Variants in GRXCR1 observed in about 807,000 individuals in gnomAD.
The protein encoded by GRXCR1 is glutaredoxin domain-containing cysteine-rich protein 1.
A neutral mutation model predicts 27.3 loss-of-function variants in GRXCR1; 27 were observed. The observed-to-expected ratio is 0.99, with a 90% CI of 0.73 to 1.37. GRXCR1 has a LOEUF of 1.37. Ranked by LOEUF, GRXCR1 falls within the 40% of genes most tolerant of loss-of-function variation. The probability of loss-of-function intolerance (pLI) is 0.00; values close to 1 mark genes in which losing one functional copy is unlikely to be tolerated. For missense variants in GRXCR1, 379 were observed against 354.4 expected, an observed-to-expected ratio of 1.07 and a Z score of -0.56; for synonymous variants, 122 against 131.1, an observed-to-expected ratio of 0.93 and a Z score of 0.47.
At chr4:43,012,412 A>G (rs1344136218) in intron 2 of GRXCR1, among the ~76,000 whole-genome samples, 1 of 152,156 alleles carries the variant, frequency 6.6e-6, no homozygotes, top group African/African-American at 2.4e-5. Flanking sequence ...TTTCTATTAC[A>G]TTCTTTTTTA....
intron 2 of GRXCR1, among the ~76,000 whole-genome samples, chr4:42,987,200 T>TAATATATATATTATATA (rs1242246094): frequency 1.3e-5 from 1 of 74,646 alleles, no homozygotes; most frequent in African/African-American, 6.6e-5. Context: ...TTCATAGTTT[T>TAATATATATATTATATA]CATATATATA....
intron 3 of GRXCR1, among the ~76,000 whole-genome samples, chr4:43,027,876 GA>G (rs1713305113): frequency 6.6e-6 from 1 of 152,134 alleles, no homozygotes; most frequent in African/African-American, 2.4e-5. Context: ...TTGGGAGGCC[GA>G]GGTGGGTGGA....
At chr4:42,951,631 C>A (rs76989220) in intron 1 of GRXCR1, among the ~76,000 whole-genome samples, 3 of 152,072 alleles carry the variant, frequency 2.0e-5, no homozygotes, top group Admixed American at 1.3e-4. Flanking sequence ...TTGGTATATA[C>A]TCAGTAATGG....
intron 2 of GRXCR1, among the ~76,000 whole-genome samples, chr4:43,006,718 C>T (rs1004839098): frequency 6.6e-5 from 10 of 152,190 alleles, no homozygotes; most frequent in Non-Finnish European, 1.2e-4. Context: ...CCTCCACTTG[C>T]CTTGTGATAT....
At chr4:42,967,769 T>C (rs546219332) in intron 2 of GRXCR1, among the ~76,000 whole-genome samples, 1 of 152,242 alleles carries the variant, frequency 6.6e-6, no homozygotes, top group East Asian at 1.9e-4. Flanking sequence ...GTTAAGTTTC[T>C]TAGAAAGAGT....
intron 2 of GRXCR1, among the ~76,000 whole-genome samples, chr4:43,000,103 C>G (rs1712302157): frequency 6.6e-6 from 1 of 152,154 alleles, no homozygotes; most frequent in African/African-American, 2.4e-5. Flanking sequence ...TTGCACTATC[C>G]TGCTTTGTCC....
chr4:42,910,557 A>G (rs17450034), intron 1 of GRXCR1, among the ~76,000 whole-genome samples: 31,398 of 152,066 alleles, frequency 0.21, 3,309 homozygotes, highest in South Asian at 0.31. Flanking sequence ...TAGAAAATAA[A>G]TGATTCAGGT....
intron 2 of GRXCR1, among the ~76,000 whole-genome samples, chr4:42,991,460 A>C (rs1490969707): frequency 1.4e-5 from 2 of 146,428 alleles, no homozygotes; most frequent in Non-Finnish European, 3.1e-5. Context: ...CTCTCTCTCT[A>C]CACACACACA....
In GRXCR1 at chr4:42,892,868, T is replaced by C. The variant is rs1321415189; in HGVS notation, c.-399T>C. Among the ~76,000 whole-genome samples, 3 of 152,132 alleles carry C rather than the reference T, an allele frequency of 2.0e-5. No homozygotes were observed. Among genetic ancestry groups the C allele is most frequent in the South Asian group, 2.1e-4 (1 of 4,824 alleles). On this transcript the variant is annotated 5_prime_UTR_variant, in exon 1 of 4. Transcript: ENST00000399770. ...AACCTCTGGTTTGGACAATGAATAGTAGAGACATGTCCACTGCTCAGGTCC... is the reference window on the plus strand; with the variant it reads ...AACCTCTGGTTTGGACAATGAATAGCAGAGACATGTCCACTGCTCAGGTCC...
At chr4:43,029,568 T>C (rs1050847559) in intron 3 of GRXCR1, among the ~76,000 whole-genome samples, 2 of 152,160 alleles carry the variant, frequency 1.3e-5, no homozygotes, top group Non-Finnish European at 2.9e-5. Context: ...CAGAAATGCA[T>C]GTAAATGATT....
intron 1 of GRXCR1, among the ~76,000 whole-genome samples, chr4:42,905,800 G>A (rs550436617): frequency 1.3e-4 from 20 of 152,244 alleles, no homozygotes; most frequent in African/African-American, 4.6e-4. Flanking sequence ...TCATGTGATC[G>A]TTCCTTGTCA....
chr4:43,014,406 C>T (rs950740102), intron 2 of GRXCR1, among the ~76,000 whole-genome samples: 4 of 152,100 alleles, frequency 2.6e-5, no homozygotes, highest in East Asian at 1.9e-4. Context: ...CAAACATTTA[C>T]GGAGCACATC....
intron 2 of GRXCR1, among the ~76,000 whole-genome samples, chr4:42,996,732 T>C (rs1712173055): frequency 1.3e-5 from 2 of 152,054 alleles, no homozygotes; most frequent in African/African-American, 2.4e-5. Flanking sequence ...GATGACTCTG[T>C]AGTGAACATG....
intron 1 of GRXCR1, among the ~76,000 whole-genome samples, chr4:42,947,453 G>T (rs1747770299): frequency 6.6e-6 from 1 of 152,152 alleles, no homozygotes; most frequent in Non-Finnish European, 1.5e-5. Flanking sequence ...TGCATAGTAT[G>T]TTGTGAAGAT....
rs893165802 is a variant in GRXCR1, at chr4:43,015,718, A to G, written c.628-4636A>G. The stretch of plus-strand genomic sequence containing the variant: ...TGTTATAGATCTTTTATTGCAAGCT[A>G]CTTTCTTAGTAAGATGAGGTGGTTT... On this transcript the variant is annotated intron_variant, in intron 2 of 3. Coordinates refer to ENST00000399770, the MANE Select transcript of GRXCR1 (RefSeq NM_001080476.3). Among the ~76,000 whole-genome samples, 4 of 151,844 alleles carry G rather than the reference A, an allele frequency of 2.6e-5. No homozygotes were observed. The South Asian group carries it at 8.3e-4, about 31-fold the overall frequency.
At chr4:42,906,340 G>T (rs2122647) in intron 1 of GRXCR1, among the ~76,000 whole-genome samples, 20,613 of 152,150 alleles carry the variant, frequency 0.14, 1,672 homozygotes, top group Non-Finnish European at 0.18. Flanking sequence ...GTCTAAAACA[G>T]AAAGAAACTT....
At position 42,988,365 on chromosome 4, in the gene GRXCR1, A is replaced by C. The variant is rs549430584; in HGVS notation, c.627+25231A>C. On this transcript the variant is annotated intron_variant, in intron 2 of 3. Coordinates refer to ENST00000399770, the MANE Select transcript of GRXCR1 (RefSeq NM_001080476.3). ...TTCTCAGGTAAAAGATATAATAAAA[A>C]TAAAAATATCATCTATTCTGAAGAC... Among the ~76,000 whole-genome samples, 12 of 152,348 alleles carry C rather than the reference A, an allele frequency of 7.9e-5. No homozygotes were observed. The South Asian group carries it at 2.5e-3, about 32-fold the overall frequency.
chr4:42,906,546 G>T (rs1746597009), intron 1 of GRXCR1, among the ~76,000 whole-genome samples: 1 of 152,132 alleles, frequency 6.6e-6, no homozygotes, highest in South Asian at 2.1e-4. Context: ...CACATCTGAG[G>T]AGAATAATGT....
intron 1 of GRXCR1, among the ~76,000 whole-genome samples, chr4:42,897,604 G>A (rs1420951587): frequency 1.3e-5 from 2 of 150,938 alleles, no homozygotes; most frequent in African/African-American, 2.4e-5. Context: ...GTATGTTTGT[G>A]GAAAAACCAG....
Sources: gnomAD v4.1 joint callset for allele counts (sites outside exome capture counted in the v4.1 genomes callset) on GRCh38, gnomAD v4.1.1 for gene constraint, MANE v1.5 for transcripts, NCBI Gene and HGNC (gene_info 2026-07-23, HGNC 2026-07-21) for gene names.